Variants in PSMD14 observed in about 807,000 individuals in gnomAD.
PSMD14 encodes ubiquitin C-terminal hydrolase PSMD14.
PSMD14 carries 7 observed loss-of-function variants against 41.2 expected under a neutral mutation model. The ratio of observed to expected loss-of-function variants is 0.17; its 90% CI spans 0.10 to 0.32. The LOEUF is 0.32. Among genes scored for constraint, PSMD14 ranks in the 10% least tolerant of loss-of-function variants. The pLI, the probability that PSMD14 is intolerant of heterozygous loss-of-function variation, is 1.00. For missense variants in PSMD14, 139 were observed against 375.6 expected (o/e 0.37, Z 5.21); for synonymous variants, 114 against 122.3 (o/e 0.93, Z 0.45).
intron 3 of PSMD14, among the ~76,000 whole-genome samples, chr2:161,340,204 T>TA (rs1176614167): frequency 6.6e-6 from 1 of 151,806 alleles, no homozygotes; most frequent in Admixed American, 6.6e-5. Context: ...AGATGAAAAA[T>TA]AAGGGGAATG....
At chr2:161,332,245 C>T (rs945632519) in intron 3 of PSMD14, among the ~76,000 whole-genome samples, 1 of 152,170 alleles carries the variant, frequency 6.6e-6, no homozygotes, top group African/African-American at 2.4e-5. Context: ...TGAATCTTCA[C>T]ACATTGGTAA....
chr2:161,353,691 C>A (rs982702370), intron 3 of PSMD14, among the ~76,000 whole-genome samples: 19 of 152,142 alleles, frequency 1.2e-4, no homozygotes, highest in African/African-American at 4.6e-4. Flanking sequence ...TGTACTTATT[C>A]TATATTGCAG....
At chr2:161,339,803 G>T (rs1251883848) in intron 3 of PSMD14, among the ~76,000 whole-genome samples, 2 of 152,394 alleles carry the variant, frequency 1.3e-5, no homozygotes, top group East Asian at 1.9e-4. Flanking sequence ...TGAACCAAAG[G>T]TTCCAGGCCC....
At chr2:161,318,621 G>A (rs932654154) in intron 2 of PSMD14, among the ~76,000 whole-genome samples, 1 of 152,128 alleles carries the variant, frequency 6.6e-6, no homozygotes, top group Non-Finnish European at 1.5e-5. Context: ...AACCAAAGCA[G>A]TAAAATAAGG....
At chr2:161,388,768 A>G (rs1278830338) in intron 8 of PSMD14, among the ~76,000 whole-genome samples, 1 of 152,168 alleles carries the variant, frequency 6.6e-6, no homozygotes, top group African/African-American at 2.4e-5. Flanking sequence ...TTAAAAACTT[A>G]TCAGGAACCC....
chr2:161,368,621 A>G (rs919345960), intron 5 of PSMD14, among the ~76,000 whole-genome samples: 1 of 152,072 alleles, frequency 6.6e-6, no homozygotes, highest in African/African-American at 2.4e-5. Context: ...AAAAAAGCAC[A>G]TATATCCTTC....
intron 3 of PSMD14, chr2:161,340,954 C>T: frequency 1.2e-6 from 2 of 1,613,408 alleles, no homozygotes; most frequent in East Asian, 2.2e-5. Context: ...GATGATGGCC[C>T]CTTCTCACCA....
intron 7 of PSMD14, among the ~76,000 whole-genome samples, chr2:161,375,373 A>C (rs1449345804): frequency 5.9e-5 from 9 of 152,066 alleles, no homozygotes; most frequent in Admixed American, 5.3e-4. Context: ...ATAATTCAAC[A>C]AATACTTATT....
At chr2:161,333,770 C>G (rs934139026) in intron 3 of PSMD14, among the ~76,000 whole-genome samples, 1 of 152,182 alleles carries the variant, frequency 6.6e-6, no homozygotes, top group South Asian at 2.1e-4. Context: ...TGGTGGCTCA[C>G]GCCTGTAATC....
chr2:161,349,020 A>T (rs1006144732), intron 3 of PSMD14, among the ~76,000 whole-genome samples: 6 of 152,200 alleles, frequency 3.9e-5, no homozygotes, highest in African/African-American at 1.4e-4. Flanking sequence ...CCAGAGAGGC[A>T]TCTTTCTATC....
intron 9 of PSMD14, 88 bp from the exon 10 acceptor site, chr2:161,394,990 T>G (rs992512531): frequency 2.2e-5 from 24 of 1,102,866 alleles, no homozygotes; most frequent in Non-Finnish European, 2.7e-5. Flanking sequence ...GTCGAAATGT[T>G]TTTTTTTTTT....
rs541568145 is a variant in PSMD14 at position 161,384,704 on chromosome 2, T to A, written c.463-760T>A. The A allele has an allele frequency of 9.9e-5, 15 of 151,936 alleles. No homozygotes were observed. The South Asian group carries it at 3.1e-3, about 31-fold the overall frequency. The allele number at this position is 151,936 out of a possible 1,614,324, so 9.4% of individuals were successfully genotyped here. ...TTAGCAAGTATGTGATTCTTGTTAA[T>A]CTCTTTATATGTAAGAGCTAACAGA... is the stretch of plus-strand genomic sequence containing the variant. On this transcript the variant is annotated intron_variant, in intron 7 of 11. Transcript: ENST00000409682.
intron 3 of PSMD14, among the ~76,000 whole-genome samples, chr2:161,348,586 AG>A (rs1683077101): frequency 6.6e-6 from 1 of 152,238 alleles, no homozygotes; most frequent in Non-Finnish European, 1.5e-5. Flanking sequence ...CTAATGAAAA[AG>A]CACATGGAGG....
intron 7 of PSMD14, among the ~76,000 whole-genome samples, chr2:161,380,680 C>CT (rs1447585304): frequency 6.6e-6 from 1 of 151,926 alleles, no homozygotes; most frequent in African/African-American, 2.4e-5. Context: ...AAACTTGAGA[C>CT]TAAGAAATCA....
chr2:161,334,375 C>A (rs1305277605), intron 3 of PSMD14, among the ~76,000 whole-genome samples: 2 of 152,080 alleles, frequency 1.3e-5, no homozygotes, highest in African/African-American at 4.8e-5. Flanking sequence ...TTTTTGACTG[C>A]CTGGCCACAG....
chr2:161,385,385 G>A (rs566718849), intron 7 of PSMD14, 79 bp from the exon 8 acceptor site: 37 of 660,388 alleles, frequency 5.6e-5, no homozygotes, highest in Non-Finnish European at 9.0e-5. Flanking sequence ...GATGCACGTC[G>A]ATCATGCCTT....
At chr2:161,371,387 A>G in intron 7 of PSMD14, 65 bp downstream of exon 7, 3 of 1,483,530 alleles carry the variant, frequency 2.0e-6, no homozygotes, top group Non-Finnish European at 2.7e-6. Context: ...CATTAAATAA[A>G]AATCAATTTT....
intron 10 of PSMD14, among the ~76,000 whole-genome samples, chr2:161,399,960 C>T (rs16845829): frequency 0.13 from 20,326 of 152,086 alleles, 1,556 homozygotes; most frequent in East Asian, 0.3. Context: ...ATTCCTATCA[C>T]GTTATCTTCT....
chr2:161,345,640 T>C (rs1683030896), intron 3 of PSMD14, among the ~76,000 whole-genome samples: 1 of 152,154 alleles, frequency 6.6e-6, no homozygotes, highest in African/African-American at 2.4e-5. Flanking sequence ...ATTGATGTAG[T>C]TTTCTTCATG....
Sources: allele counts gnomAD v4.1 joint callset (sites outside exome capture counted in the v4.1 genomes callset), GRCh38; gene constraint gnomAD v4.1.1; transcripts MANE v1.5; gene names NCBI Gene and HGNC (gene_info 2026-07-23, HGNC 2026-07-21).